The following CRX variants were observed in gnomAD, a reference collection of about 807,000 sequenced individuals.
CRX encodes cone-rod homeobox, also known as cone-rod homeobox protein.
Under a neutral mutation model 13.1 loss-of-function variants are expected in CRX, and 5 were observed. The ratio of observed to expected loss-of-function variants is 0.38; its 90% confidence interval spans 0.20 to 0.80. The LOEUF (loss-of-function observed/expected upper bound fraction) is 0.80, where lower values mean the gene tolerates loss of function less well. CRX is among the 30% of genes least tolerant of loss of function. The probability of loss-of-function intolerance (pLI) is 0.43; values close to 1 mark genes in which losing one functional copy is unlikely to be tolerated. For synonymous variants in CRX, 179 were observed against 171.1 expected (o/e 1.05, Z -0.36); for missense variants, 351 against 391.8 (o/e 0.90, Z 0.88).
intron 2 of CRX, 67 bp from the exon 3 acceptor site, chr19:47,836,176 C>T (rs1968114732): frequency 6.3e-7 from 1 of 1,599,926 alleles, no homozygotes; most frequent in Non-Finnish European, 8.6e-7. Context: ...GGCATCCCAC[C>T]CAGCCTCAGG....
At chr19:47,832,348 T>G (rs183943886) in intron 1 of CRX, among the ~76,000 whole-genome samples, 1,735 of 151,258 alleles carry the variant, frequency 0.011, 40 homozygotes, top group African/African-American at 0.04. Context: ...TCTGGTGATC[T>G]GCCTGCCTTG....
intron 2 of CRX, among the ~76,000 whole-genome samples, chr19:47,835,526 A>G (rs1213677783): frequency 6.6e-6 from 1 of 151,694 alleles, no homozygotes; most frequent in East Asian, 1.9e-4. Flanking sequence ...CTGGGATTAC[A>G]GGCGCACACC....
At chr19:47,831,579 AT>A (rs1054457850) in intron 1 of CRX, among the ~76,000 whole-genome samples, 17 of 151,994 alleles carry the variant, frequency 1.1e-4, no homozygotes, top group Admixed American at 5.2e-4. Flanking sequence ...CCATGGAAAA[AT>A]TATCTTCTAC....
At chr19:47,824,761 C>T (rs1360676510) in intron 1 of CRX, among the ~76,000 whole-genome samples, 1 of 152,094 alleles carries the variant, frequency 6.6e-6, no homozygotes, top group Non-Finnish European at 1.5e-5. Context: ...AGTGCCGAAC[C>T]CCACAGCTCT....
intron 1 of CRX, among the ~76,000 whole-genome samples, chr19:47,830,796 A>AG (rs1207962839): frequency 2.0e-5 from 3 of 150,702 alleles, no homozygotes; most frequent in African/African-American, 7.3e-5. Context: ...ACTCCATTAA[A>AG]AAAAAAAAAA....
At chr19:47,836,906 G>A (rs954289358) in intron 3 of CRX, among the ~76,000 whole-genome samples, 1 of 152,094 alleles carries the variant, frequency 6.6e-6, no homozygotes, top group African/African-American at 2.4e-5. Context: ...ATGGATGGAT[G>A]GGTGGGTGGA....
At position 47,836,273 on chromosome 19, in the gene CRX, C is replaced by T. The variant is rs760519102; in HGVS notation, c.131C>T (p.Thr44Ile). ...CCCAGGAAGCAGCGGCGGGAGCGCA[C>T]CACCTTCACCCGGAGCCAACTGGAG... ...SAPRKQRRER[T>I]TFTRSQLEEL... The change falls in exon 3 of 4, where the codon ACC becomes ATC. Residue 44 changes from threonine to isoleucine, a missense_variant. Thr to Ile is a moderately conservative substitution (Grantham distance 89). This residue lies in a region of CRX where 95 missense variants were observed against 106.7 expected (regional missense o/e 0.89). Transcript: ENST00000221996. The T allele has an allele frequency of 1.9e-6, 3 of 1,614,082 alleles. No individual in the cohort carries two copies. Among genetic ancestry groups the T allele is most frequent in the African/African-American group, 1.3e-5 (1 of 74,922 alleles).
chr19:47,822,886 T>G (rs1967929248), intron 1 of CRX, among the ~76,000 whole-genome samples: 1 of 152,104 alleles, frequency 6.6e-6, no homozygotes, highest in African/African-American at 2.4e-5. Context: ...CTCTACCTCC[T>G]AGGTCCAAGG....
intron 1 of CRX, among the ~76,000 whole-genome samples, chr19:47,823,687 T>C (rs1967940022): frequency 1.3e-5 from 2 of 148,882 alleles, no homozygotes; most frequent in Admixed American, 6.7e-5. Context: ...TCTCACTCTG[T>C]GGCCCAGGCT....
At chr19:47,824,621 C>A (rs568207303) in intron 1 of CRX, among the ~76,000 whole-genome samples, 1 of 152,184 alleles carries the variant, frequency 6.6e-6, no homozygotes, top group Non-Finnish European at 1.5e-5. Flanking sequence ...TGGGCACCTC[C>A]CTCCCTCCCA....
chr19:47,839,445 A>G lies in CRX; in HGVS notation c.378A>G (p.Arg126=). ...AGAGGAAGGCGGGCACGTCCCCAAG[A>G]CCCTCCACAGATGTGTGTCCAGACC... ...PAKRKAGTSP[R]PSTDVCPDPL... is the part of the protein sequence containing the mutation. The change falls in exon 4 of 4, where the codon AGA becomes AGG. Residue 126 remains arginine (R), a synonymous_variant. Transcript: ENST00000221996. This position sits in a 1 kb window ranked among gnomAD's most constrained non-coding sequence, Gnocchi z 4.6. 1 of 1,613,414 alleles carries G rather than the reference A, an allele frequency of 6.2e-7. No homozygotes were observed. Among genetic ancestry groups the G allele is most frequent in the Non-Finnish European group, 8.5e-7 (1 of 1,179,774 alleles).
intron 1 of CRX, among the ~76,000 whole-genome samples, chr19:47,830,320 CA>C (rs1043244972): frequency 1.3e-5 from 2 of 151,472 alleles, no homozygotes; most frequent in Non-Finnish European, 2.9e-5. Flanking sequence ...TAAAAAACCC[CA>C]AAAAACAAAT....
chr19:47,840,391 AT>A lies in CRX; in HGVS notation c.*435del, dbSNP rs886054551. On this transcript the variant is annotated 3_prime_UTR_variant, in exon 4 of 4. Coordinates refer to ENST00000221996, the MANE Select transcript of CRX (RefSeq NM_000554.6). ...TAACTTAACTTTCCACGTGGACAGAATTTTTTTTTTTGTTTTGTTTTTGTTT... is the reference window on the plus strand; with the variant it reads ...TAACTTAACTTTCCACGTGGACAGAATTTTTTTTTTGTTTTGTTTTTGTTT... The A allele has an allele frequency of 0.023, 4,416 of 191,788 alleles. 2 individuals carry two copies. Among genetic ancestry groups the A allele is most frequent in the South Asian group, 0.049 (547 of 11,158 alleles). The allele number at this position is 191,788 out of a possible 1,614,324, so 11.9% of individuals were successfully genotyped here.
intron 1 of CRX, among the ~76,000 whole-genome samples, chr19:47,824,268 C>A (rs1239042454): frequency 6.6e-6 from 1 of 152,172 alleles, no homozygotes; most frequent in East Asian, 1.9e-4. Context: ...CTCTTTCAGC[C>A]TCAGTTTCCT....
At chr19:47,824,242 C>T (rs1302193071) in intron 1 of CRX, among the ~76,000 whole-genome samples, 2 of 152,128 alleles carry the variant, frequency 1.3e-5, no homozygotes, top group South Asian at 2.1e-4. Context: ...TGTGTGACCT[C>T]GGGAATTGAC....
rs1244036826 is a variant in CRX at position 47,841,804 on chromosome 19, T to G, written c.*1837T>G. ...TCCGAGTTCTCCTTTCATTTTTGGG[T>G]GGGGAGGCGGGTTCCAAGAGCCCTT... On this transcript the variant is annotated 3_prime_UTR_variant, in exon 4 of 4. Coordinates refer to ENST00000221996, the MANE Select transcript of CRX (RefSeq NM_000554.6). 6.6e-6 allele frequency: 1 copy of G among 150,612 alleles called. No homozygotes were observed. Among genetic ancestry groups the G allele is most frequent in the East Asian group, 2.0e-4 (1 of 5,116 alleles). 9.3% of individuals were successfully genotyped at this position (150,612 alleles called of 1,614,324 possible).
intron 1 of CRX, among the ~76,000 whole-genome samples, chr19:47,824,306 G>A (rs568104489): frequency 1.2e-4 from 19 of 152,286 alleles, no homozygotes; most frequent in Admixed American, 9.8e-4. Context: ...TCTGAGCTCC[G>A]TGGGGCTGTG....
rs537614651 is a variant in CRX at position 47,825,469 on chromosome 19, C to T, written c.-36+3459C>T. On this transcript the variant is annotated intron_variant, in intron 1 of 3. Coordinates refer to ENST00000221996, the MANE Select transcript of CRX (RefSeq NM_000554.6). Reference sequence around the variant, plus strand: ...GTCATCAGCTGCCTCAGGTTGCTGCCAAACCCAGGGAAAGATTTCAGTGGA... The same window carrying T: ...GTCATCAGCTGCCTCAGGTTGCTGCTAAACCCAGGGAAAGATTTCAGTGGA... Among the ~76,000 whole-genome samples the T allele has an allele frequency of 2.0e-5, 3 of 152,256 alleles. No individual in the cohort carries two copies. In the South Asian group the frequency reaches 6.2e-4, roughly 32 times the overall value.
At chr19:47,828,356 C>T (rs1005200078) in intron 1 of CRX, among the ~76,000 whole-genome samples, 10 of 151,992 alleles carry the variant, frequency 6.6e-5, no homozygotes, top group African/African-American at 2.4e-5. Flanking sequence ...CTGTCCCCCT[C>T]CTCATGTGAG....
Sources: gnomAD v4.1 joint callset for allele counts (sites outside exome capture counted in the v4.1 genomes callset) on GRCh38, gnomAD v4.1.1 for gene constraint, gnomAD v4.1.1 regional missense constraint, Gnocchi (gnomAD v3.1) non-coding constraint, MANE v1.5 for transcripts, NCBI Gene and HGNC (gene_info 2026-07-23, HGNC 2026-07-21) for gene names.